Variants in HIVEP3 observed in about 807,000 individuals in gnomAD.
The protein encoded by HIVEP3 is HIVEP zinc finger 3.
In HIVEP3, 49 loss-of-function variants were observed where a neutral mutation model predicts 152.8. The ratio of observed to expected loss-of-function variants is 0.32; its 90% CI spans 0.26 to 0.41. HIVEP3 has a LOEUF of 0.41. Among genes scored for constraint, HIVEP3 ranks in the 10% least tolerant of loss-of-function variants. The probability of loss-of-function intolerance (pLI) is 1.00; values close to 1 mark genes in which losing one functional copy is unlikely to be tolerated. For missense variants in HIVEP3, 2,790 were observed against 3,103.3 expected, an observed-to-expected ratio of 0.90 and a Z score of 2.40; for synonymous variants, 1,269 against 1,289.0, an observed-to-expected ratio of 0.98 and a Z score of 0.33.
intron 1 of HIVEP3, among the ~76,000 whole-genome samples, chr1:41,783,591 C>A (rs1490792007): frequency 6.6e-6 from 1 of 152,172 alleles, no homozygotes; most frequent in African/African-American, 2.4e-5. Flanking sequence ...ACTAGATACT[C>A]TGTGCTCCTT....
intron 1 of HIVEP3, among the ~76,000 whole-genome samples, chr1:41,734,257 C>A (rs951069231): frequency 6.6e-6 from 1 of 152,234 alleles, no homozygotes; most frequent in Non-Finnish European, 1.5e-5. Context: ...GCCACCTATT[C>A]TAGCTGTGTG....
At chr1:41,907,955 C>T (rs1217715683) in intron 1 of HIVEP3, among the ~76,000 whole-genome samples, 2 of 152,020 alleles carry the variant, frequency 1.3e-5, no homozygotes, top group East Asian at 3.9e-4. Flanking sequence ...TTTATTTCTC[C>T]AAAAGAGAGC....
At chr1:41,568,458 C>A (rs921691098) in intron 5 of HIVEP3, among the ~76,000 whole-genome samples, 1 of 152,234 alleles carries the variant, frequency 6.6e-6, no homozygotes, top group South Asian at 2.1e-4. Flanking sequence ...CTGGAGCCGG[C>A]ACATGCAGGC....
chr1:41,920,898 CT>C (rs1167134076), upstream of HIVEP3, among the ~76,000 whole-genome samples: 1 of 152,174 alleles, frequency 6.6e-6, no homozygotes, highest in Non-Finnish European at 1.5e-5. Flanking sequence ...CTTAGTGTGA[CT>C]CACCATTTAA....
intron 1 of HIVEP3, among the ~76,000 whole-genome samples, chr1:41,913,996 C>A (rs774285602): frequency 6.6e-5 from 10 of 150,846 alleles, no homozygotes; most frequent in Non-Finnish European, 1.0e-4. Flanking sequence ...GGCTTTGCTC[C>A]CCAAATCTGA....
chr1:41,992,240 C>A (rs1429116286), intron 1 of HIVEP3, among the ~76,000 whole-genome samples: 1 of 152,070 alleles, frequency 6.6e-6, no homozygotes, highest in Non-Finnish European at 1.5e-5. Flanking sequence ...GATTGTATAT[C>A]TAGAAAACCC....
chr1:41,768,546 G>A (rs1648152919), intron 1 of HIVEP3, among the ~76,000 whole-genome samples: 1 of 152,228 alleles, frequency 6.6e-6, no homozygotes, highest in Admixed American at 6.5e-5. Context: ...ATTATAAAAA[G>A]GTGCTGGAAT....
chr1:42,027,265 C>T (rs746155536), intron 1 of HIVEP3, among the ~76,000 whole-genome samples: 2 of 152,118 alleles, frequency 1.3e-5, no homozygotes, highest in Admixed American at 1.3e-4. Flanking sequence ...AAAACTTGTC[C>T]ACTTCTTACC....
intron 2 of HIVEP3, among the ~76,000 whole-genome samples, chr1:41,659,001 C>G (rs35984087): frequency 0.036 from 5,493 of 152,266 alleles, 161 homozygotes; most frequent in East Asian, 0.091. Flanking sequence ...CCCCGCCCCA[C>G]AAAGCCCAGG....
chr1:41,831,179 T>C (rs1488584141), intron 1 of HIVEP3, among the ~76,000 whole-genome samples: 1 of 152,190 alleles, frequency 6.6e-6, no homozygotes, highest in East Asian at 1.9e-4. Flanking sequence ...TGTAAGCTCC[T>C]AAGAAATATT....
intron 2 of HIVEP3, among the ~76,000 whole-genome samples, chr1:41,646,520 G>A (rs28684469): frequency 0.088 from 13,432 of 152,228 alleles, 850 homozygotes; most frequent in African/African-American, 0.18. Context: ...CAGAAGAGAT[G>A]ATGTCTGCAC....
chr1:41,768,613 G>C (rs145625408), intron 1 of HIVEP3, among the ~76,000 whole-genome samples: 6 of 152,326 alleles, frequency 3.9e-5, no homozygotes, highest in African/African-American at 1.4e-4. Flanking sequence ...TTGTTAACCA[G>C]CTTCCCTTGT....
chr1:41,728,069 C>G (rs1211692447), intron 1 of HIVEP3, among the ~76,000 whole-genome samples: 2 of 152,196 alleles, frequency 1.3e-5, no homozygotes, highest in Non-Finnish European at 2.9e-5. Context: ...CTTGCTGGTC[C>G]TTAATCACCC....
rs1343665383 is a variant in HIVEP3, at chr1:41,581,137, G to C, written c.3661C>G (p.Pro1221Ala). The change falls in exon 4 of 9, where the codon CCT becomes GCT. Residue 1221 changes from proline to alanine, a missense_variant. Physicochemically the swap from Pro to Ala is conservative, Grantham distance 27. Coordinates refer to ENST00000372583, the MANE Select transcript of HIVEP3 (RefSeq NM_024503.5). The surrounding 1 kb of genome is among the most constrained non-coding windows in gnomAD (Gnocchi z 4.5). ...GGGTATGGCATGGGGAGGAAGGAAG[G>C]GGGCTGCCTGAAGGGGATGTTGGCT... is the stretch of plus-strand genomic sequence containing the variant. ...HPANIPFRQP[P>A]SFLPMPYPTS... 2 of 1,552,088 alleles carry C rather than the reference G, an allele frequency of 1.3e-6. No homozygotes were observed. The highest frequency in any genetic ancestry group is 1.7e-6 in the Non-Finnish European group (2 of 1,149,042).
chr1:41,991,551 C>T (rs1462634985), intron 1 of HIVEP3, among the ~76,000 whole-genome samples: 1 of 145,468 alleles, frequency 6.9e-6, no homozygotes, highest in African/African-American at 2.5e-5. Flanking sequence ...GGATTCACAG[C>T]CGAATTCTAC....
rs763813067 is a variant in HIVEP3 at position 41,511,111 on chromosome 1, C to G, written c.6561G>C (p.Leu2187Phe). ...FSHLPLHSQHLTRAPCPLIPI... is the reference protein window; with the variant it reads ...FSHLPLHSQHFTRAPCPLIPI... ...GAATCAAGGGACATGGGGCACGGGT[C>G]AAGTGCTGGGAGTGCAGAGGCAGGT... Residue 2187 changes from leucine (L) to phenylalanine (F), a missense_variant, in exon 9 of 9, where the codon TTG becomes TTC. Physicochemically the swap from Leu to Phe is conservative, Grantham distance 22. Coordinates refer to ENST00000372583, the MANE Select transcript of HIVEP3 (RefSeq NM_024503.5). The surrounding 1 kb of genome is among the most constrained non-coding windows in gnomAD (Gnocchi z 4.9). 1 of 1,614,060 alleles carries G rather than the reference C, an allele frequency of 6.2e-7. No homozygotes were observed. The highest frequency in any genetic ancestry group is 8.5e-7 in the Non-Finnish European group (1 of 1,180,030).
intron 5 of HIVEP3, among the ~76,000 whole-genome samples, chr1:41,526,507 G>T (rs1318982919): frequency 2.2e-5 from 1 of 45,824 alleles, no homozygotes; most frequent in East Asian, 5.0e-4. Context: ...CCACACCCCT[G>T]CCGTCACACT....
chr1:41,845,404 T>C (rs1232951697), intron 1 of HIVEP3, among the ~76,000 whole-genome samples: 2 of 119,298 alleles, frequency 1.7e-5, no homozygotes, highest in East Asian at 2.2e-4. Context: ...ACACCTCCTA[T>C]ACACACACAC....
chr1:41,596,936 C>T (rs1644673496), intron 3 of HIVEP3, among the ~76,000 whole-genome samples: 1 of 152,218 alleles, frequency 6.6e-6, no homozygotes, highest in Non-Finnish European at 1.5e-5. Context: ...AGTCACTCTG[C>T]ATGACCATGT....
Sources: gnomAD v4.1 joint callset for allele counts (sites outside exome capture counted in the v4.1 genomes callset) on GRCh38, gnomAD v4.1.1 for gene constraint, Gnocchi (gnomAD v3.1) non-coding constraint, MANE v1.5 for transcripts, NCBI Gene and HGNC (gene_info 2026-07-23, HGNC 2026-07-21) for gene names.